The following CCDC171 variants were observed in gnomAD, a reference collection of about 807,000 sequenced individuals.
The protein encoded by CCDC171 is coiled-coil domain containing 171.
Under a neutral mutation model 168.2 loss-of-function variants are expected in CCDC171, and 177 were observed. The observed-to-expected ratio is 1.05, with a 90% CI of 0.93 to 1.19. The LOEUF is 1.19. Ranked by LOEUF, CCDC171 falls within the 50% of genes most tolerant of loss-of-function variation. The pLI, the probability that CCDC171 is intolerant of heterozygous loss-of-function variation, is 0.00. For missense variants in CCDC171, 1,991 were observed against 1,539.0 expected (o/e 1.29, Z -4.91); for synonymous variants, 687 against 540.8 (o/e 1.27, Z -3.75).
chr9:15,992,332 A>T (rs1832228639), intron 3 of CCDC171, among the ~76,000 whole-genome samples: 1 of 152,204 alleles, frequency 6.6e-6, no homozygotes, highest in Non-Finnish European at 1.5e-5. Flanking sequence ...CAGAAACCAC[A>T]TGATTATCTC....
At chr9:16,063,110 G>T (rs1833954319), downstream of CCDC171, among the ~76,000 whole-genome samples, 1 of 152,184 alleles carries the variant, frequency 6.6e-6, no homozygotes, top group African/African-American at 2.4e-5. Context: ...GATGAATAAT[G>T]ATTTGTAAGC....
intron 6 of CCDC171, among the ~76,000 whole-genome samples, chr9:15,604,827 C>T (rs2043103629): frequency 6.6e-6 from 1 of 151,970 alleles, no homozygotes; most frequent in Non-Finnish European, 1.5e-5. Flanking sequence ...GGAATATCCA[C>T]GTAACAGAAT....
At position 15,894,286 on chromosome 9, in the gene CCDC171, G is replaced by A. The variant is rs116087786; in HGVS notation, c.3600+19623G>A. 5.4e-3 allele frequency among the ~76,000 whole-genome samples: 816 copies of A among 152,172 alleles called. 6 individuals are homozygous for A. Among genetic ancestry groups the A allele is most frequent in the African/African-American group, 0.019 (800 of 41,536 alleles). On this transcript the variant is annotated intron_variant, in intron 24 of 25. Coordinates refer to ENST00000380701, the MANE Select transcript of CCDC171 (RefSeq NM_173550.4). ...TACTGGGGCTTGTTGGGGGCGAGTT[G>A]TGGGGGAAGAGCATCAGGAAGGATA...
At chr9:15,627,523 G>A (rs1210527160) in intron 7 of CCDC171, among the ~76,000 whole-genome samples, 3 of 152,082 alleles carry the variant, frequency 2.0e-5, no homozygotes, top group Admixed American at 2.0e-4. Context: ...TTGTGTCTTT[G>A]TTCTCATTGG....
At chr9:15,939,439 C>T (rs1044345919) in intron 25 of CCDC171, among the ~76,000 whole-genome samples, 4 of 151,716 alleles carry the variant, frequency 2.6e-5, no homozygotes, top group African/African-American at 9.7e-5. Flanking sequence ...AGTTTGTTTC[C>T]TTAATGGCAC....
At chr9:15,577,743 G>T (rs2040784247) in intron 3 of CCDC171, among the ~76,000 whole-genome samples, 1 of 152,192 alleles carries the variant, frequency 6.6e-6, no homozygotes, top group South Asian at 2.1e-4. Context: ...ATTAAGAACT[G>T]CTTCTATTCC....
rs372405111 is a variant in CCDC171 at position 15,654,753 on chromosome 9, C to G, written c.823-2374C>G. Among the ~76,000 whole-genome samples the G allele has an allele frequency of 2.0e-5, 3 of 152,100 alleles. No individual in the cohort carries two copies. In the East Asian group the frequency reaches 5.8e-4, roughly 29 times the overall value. On this transcript the variant is annotated intron_variant, in intron 7 of 25. Coordinates refer to ENST00000380701, the MANE Select transcript of CCDC171 (RefSeq NM_173550.4). ...CAGAAGACGGGTGATTTCAGCATTT[C>G]CAACTCAGGTACTGGGTTCATCTCA...
At chr9:15,630,512 G>C (rs1288845894) in intron 7 of CCDC171, among the ~76,000 whole-genome samples, 17 of 152,148 alleles carry the variant, frequency 1.1e-4, no homozygotes, top group South Asian at 6.2e-4. Flanking sequence ...ACAGGAGCAC[G>C]AAGATTCATA....
At chr9:16,038,027 A>G (rs1232844465), upstream of CCDC171, among the ~76,000 whole-genome samples, 1 of 152,200 alleles carries the variant, frequency 6.6e-6, no homozygotes, top group African/African-American at 2.4e-5. Flanking sequence ...CAAAATACTG[A>G]TGCCAAAAAG....
In CCDC171 at chr9:16,013,461, C is replaced by T. The variant is rs555889736; in HGVS notation, n.369-7128C>T. Among the ~76,000 whole-genome samples the T allele has an allele frequency of 5.9e-5, 9 of 152,308 alleles. No homozygotes were observed. The South Asian group carries it at 1.0e-3, about 18-fold the overall frequency. On this transcript the variant is annotated intron_variant and non_coding_transcript_variant, in intron 3 of 9. Transcript: ENST00000486641. ...ACTAAGGCCTACCTTTGCAATCTGACGTTCAAAGGTTCAACCCACTTCTCT... is the reference window on the plus strand; with the variant it reads ...ACTAAGGCCTACCTTTGCAATCTGATGTTCAAAGGTTCAACCCACTTCTCT...
At chr9:15,933,502 C>G (rs1420118943) in intron 25 of CCDC171, among the ~76,000 whole-genome samples, 1 of 151,872 alleles carries the variant, frequency 6.6e-6, no homozygotes, top group Non-Finnish European at 1.5e-5. Flanking sequence ...TTAGTCTCTA[C>G]TTTTAAAAAT....
intron 16 of CCDC171, among the ~76,000 whole-genome samples, chr9:15,736,982 T>C (rs2054539537): frequency 6.6e-6 from 1 of 152,114 alleles, no homozygotes; most frequent in South Asian, 2.1e-4. Flanking sequence ...TGATTCTTGA[T>C]TAATGTTTAA....
chr9:15,693,916 C>G (rs2051013882), intron 10 of CCDC171, among the ~76,000 whole-genome samples: 1 of 152,052 alleles, frequency 6.6e-6, no homozygotes, highest in Non-Finnish European at 1.5e-5. Context: ...TTACTCATCT[C>G]TCACTCAAGA....
chr9:15,944,402 T>C (rs13297383), intron 25 of CCDC171, among the ~76,000 whole-genome samples: 46,563 of 151,868 alleles, frequency 0.31, 8,952 homozygotes, highest in East Asian at 0.61. Flanking sequence ...GTTGCTAAAA[T>C]GCTGTAAAAG....
chr9:15,967,381 T>A (rs1254387700), intron 25 of CCDC171, among the ~76,000 whole-genome samples: 1 of 152,216 alleles, frequency 6.6e-6, no homozygotes, highest in African/African-American at 2.4e-5. Flanking sequence ...TAGAATTTAA[T>A]TGAATGAAGC....
intron 21 of CCDC171, among the ~76,000 whole-genome samples, chr9:15,824,677 T>C (rs1056740780): frequency 1.4e-4 from 21 of 152,124 alleles, no homozygotes; most frequent in African/African-American, 4.8e-4. Context: ...CTGGCTAATT[T>C]CTATCCTGCG....
At chr9:15,584,406 C>G (rs1055794152) in intron 4 of CCDC171, among the ~76,000 whole-genome samples, 1 of 152,110 alleles carries the variant, frequency 6.6e-6, no homozygotes, top group African/African-American at 2.4e-5. Context: ...TATGAAGACG[C>G]AAAGAACCAG....
intron 24 of CCDC171, among the ~76,000 whole-genome samples, chr9:15,912,258 C>T (rs1823778869): frequency 6.6e-6 from 1 of 152,152 alleles, no homozygotes; most frequent in African/African-American, 2.4e-5. Context: ...TTGAAGAGGT[C>T]CTTCACATCC....
intron 25 of CCDC171, among the ~76,000 whole-genome samples, chr9:15,935,077 TAC>T (rs1481937213): frequency 6.6e-6 from 1 of 152,126 alleles, no homozygotes; most frequent in African/African-American, 2.4e-5. Context: ...GTTCTGGAAC[TAC>T]ATGGTGGTGA....
Sources: gnomAD v4.1 joint callset for allele counts (sites outside exome capture counted in the v4.1 genomes callset) on GRCh38, gnomAD v4.1.1 for gene constraint, MANE v1.5 for transcripts, NCBI Gene and HGNC (gene_info 2026-07-23, HGNC 2026-07-21) for gene names.